CEP112: variants seen among roughly 807,000 people sequenced by gnomAD.
CEP112 encodes centrosomal protein 112, also known as centrosomal protein of 112 kDa.
In CEP112, 127 loss-of-function variants were observed where a neutral mutation model predicts 153.0. The ratio of observed to expected loss-of-function variants is 0.83; its 90% CI spans 0.72 to 0.96. The LOEUF is 0.96. CEP112 is among the 40% of genes least tolerant of loss of function. The probability of loss-of-function intolerance (pLI) is 0.00; values close to 1 mark genes in which losing one functional copy is unlikely to be tolerated. For synonymous variants in CEP112, 358 were observed against 374.4 expected (o/e 0.96, Z 0.51); for missense variants, 1,089 against 1,101.2 (o/e 0.99, Z 0.16).
At chr17:65,992,562 T>A (rs1195577618) in intron 17 of CEP112, among the ~76,000 whole-genome samples, 1 of 152,182 alleles carries the variant, frequency 6.6e-6, no homozygotes, top group Non-Finnish European at 1.5e-5. Context: ...TGCCAATGAA[T>A]AGTCTAAAAT....
At chr17:66,134,202 C>T (rs1036447997) in intron 4 of CEP112, among the ~76,000 whole-genome samples, 2 of 152,100 alleles carry the variant, frequency 1.3e-5, no homozygotes, top group African/African-American at 2.4e-5. Context: ...TAAAAAAATA[C>T]TAATTTAAAA....
At chr17:65,905,040 T>C (rs1471737415) in intron 19 of CEP112, among the ~76,000 whole-genome samples, 2 of 152,168 alleles carry the variant, frequency 1.3e-5, no homozygotes, top group African/African-American at 2.4e-5. Flanking sequence ...GACAGAGGCA[T>C]GGGCAAAGAC....
intron 21 of CEP112, among the ~76,000 whole-genome samples, chr17:65,843,855 T>G (rs2057616792): frequency 6.6e-6 from 1 of 152,146 alleles, no homozygotes; most frequent in Non-Finnish European, 1.5e-5. Flanking sequence ...AAACAACTAT[T>G]TATAGTGGAG....
intron 21 of CEP112, among the ~76,000 whole-genome samples, chr17:65,845,352 C>T (rs1214672788): frequency 1.3e-5 from 2 of 151,974 alleles, no homozygotes; most frequent in Non-Finnish European, 2.9e-5. Context: ...ATTTGTTATA[C>T]CCATAAAACA....
chr17:66,074,400 A>T (rs2146112335), intron 8 of CEP112, among the ~76,000 whole-genome samples: 1 of 152,300 alleles, frequency 6.6e-6, no homozygotes, highest in African/African-American at 2.4e-5. Context: ...TATAGAAGCA[A>T]ATAAGAATAG....
At chr17:65,802,922 T>C (rs1184814936) in intron 21 of CEP112, among the ~76,000 whole-genome samples, 2 of 152,226 alleles carry the variant, frequency 1.3e-5, no homozygotes, top group East Asian at 1.9e-4. Context: ...ATCTCTTGAA[T>C]GTGGGAAGAC....
chr17:66,148,908 C>T (rs2071041022), intron 4 of CEP112, among the ~76,000 whole-genome samples: 2 of 152,034 alleles, frequency 1.3e-5, no homozygotes, highest in Admixed American at 1.3e-4. Flanking sequence ...TTTCTTTGTT[C>T]CTGATCTTAG....
intron 17 of CEP112, among the ~76,000 whole-genome samples, chr17:65,995,671 T>C (rs964860431): frequency 2.0e-5 from 3 of 152,214 alleles, no homozygotes; most frequent in Non-Finnish European, 4.4e-5. Flanking sequence ...TCTCAAGTTT[T>C]ATTGAAATTT....
chr17:65,737,230 C>T (rs2145086526), intron 23 of CEP112, among the ~76,000 whole-genome samples: 1 of 152,220 alleles, frequency 6.6e-6, no homozygotes, highest in South Asian at 2.1e-4. Flanking sequence ...GTAAGGTAGA[C>T]ATCATACAAA....
At chr17:65,839,445 A>G (rs1320567585) in intron 21 of CEP112, among the ~76,000 whole-genome samples, 1 of 149,768 alleles carries the variant, frequency 6.7e-6, no homozygotes. Flanking sequence ...AAATCATTCA[A>G]TAAAATTCAA....
At chr17:66,053,674 A>T in intron 12 of CEP112, 62 bp downstream of exon 12, 1 of 1,527,710 alleles carries the variant, frequency 6.5e-7, no homozygotes, top group East Asian at 2.3e-5. Flanking sequence ...TCAGGGAAAC[A>T]TGAGGACATG....
At chr17:66,092,616 G>C (rs972536846) in intron 8 of CEP112, among the ~76,000 whole-genome samples, 4 of 152,102 alleles carry the variant, frequency 2.6e-5, no homozygotes, top group Admixed American at 1.3e-4. Flanking sequence ...AGATGCAAAA[G>C]TCCTCAACAA....
intron 12 of CEP112, among the ~76,000 whole-genome samples, chr17:66,039,805 T>C (rs2065894449): frequency 6.6e-6 from 1 of 152,188 alleles, no homozygotes. Flanking sequence ...TTTGTCCTTT[T>C]CAAACTTTGT....
chr17:65,640,988 G>A lies in CEP112; in HGVS notation c.2775C>T (p.Asp925=). ...MPASLRQELE[D]TISSLKSQVN... is the part of the protein sequence containing the mutation. The stretch of plus-strand genomic sequence containing the variant: ...CCTGTGATTTTAGGGAGGAAATGGT[G>A]TCTTCAAGTTCTTGTCTTAGGGATG... The change falls in exon 25 of 27, where the codon GAC becomes GAT. Residue 925 remains aspartate (D), a synonymous_variant. Coordinates refer to ENST00000535342, the MANE Select transcript of CEP112 (RefSeq NM_001199165.4). The A allele has an allele frequency of 3.1e-6, 5 of 1,605,440 alleles. No individual in the cohort carries two copies. Among genetic ancestry groups the A allele is most frequent in the Non-Finnish European group, 4.3e-6 (5 of 1,172,314 alleles).
intron 23 of CEP112, among the ~76,000 whole-genome samples, chr17:65,738,474 C>CA (rs1422247820): frequency 5.3e-5 from 8 of 151,770 alleles, no homozygotes; most frequent in South Asian, 2.1e-4. Context: ...TCTAAAACAA[C>CA]AAAAAAAATC....
chr17:66,074,300 A>G (rs2067403976), intron 8 of CEP112, among the ~76,000 whole-genome samples: 1 of 152,248 alleles, frequency 6.6e-6, no homozygotes, highest in Admixed American at 6.5e-5. Flanking sequence ...ACAGAAAAAA[A>G]GATTGAAGAA....
At chr17:65,917,674 C>A (rs2060543943) in intron 19 of CEP112, among the ~76,000 whole-genome samples, 1 of 152,084 alleles carries the variant, frequency 6.6e-6, no homozygotes, top group Admixed American at 6.5e-5. Flanking sequence ...GATCCACAAA[C>A]TTCTACACAC....
intron 21 of CEP112, among the ~76,000 whole-genome samples, chr17:65,814,384 T>C (rs984540880): frequency 1.3e-5 from 2 of 152,294 alleles, no homozygotes; most frequent in East Asian, 1.9e-4. Context: ...ATGTGGATAA[T>C]GGAGTGAGTG....
At chr17:66,116,335 T>C (rs191006464) in intron 6 of CEP112, among the ~76,000 whole-genome samples, 2 of 152,328 alleles carry the variant, frequency 1.3e-5, no homozygotes, top group African/African-American at 4.8e-5. Context: ...TATTGTTCTT[T>C]GCAAAGATCC....
Sources: gnomAD v4.1 joint callset for allele counts (sites outside exome capture counted in the v4.1 genomes callset) on GRCh38, gnomAD v4.1.1 for gene constraint, MANE v1.5 for transcripts, NCBI Gene and HGNC (gene_info 2026-07-23, HGNC 2026-07-21) for gene names.